CD83: variants seen among roughly 807,000 people sequenced by gnomAD.
CD83 encodes CD83 antigen.
Under a neutral mutation model 24.6 loss-of-function variants are expected in CD83, and 22 were observed. That is an observed-to-expected ratio of 0.90 (90% CI 0.64 to 1.28). CD83 has a LOEUF of 1.28. Ranked by LOEUF, CD83 falls within the 50% of genes most tolerant of loss-of-function variation. CD83 has a pLI of 0.00. For missense variants in CD83, 253 were observed against 252.8 expected, an observed-to-expected ratio of 1.00 and a Z score of -0.01; for synonymous variants, 101 against 103.5, an observed-to-expected ratio of 0.98 and a Z score of 0.14.
At chr6:14,119,812 G>A (rs984620124) in intron 2 of CD83, among the ~76,000 whole-genome samples, 3 of 152,208 alleles carry the variant, frequency 2.0e-5, no homozygotes, top group Admixed American at 6.5e-5. Flanking sequence ...ACCCCCAGGG[G>A]AGTAATTAAA....
At chr6:14,126,943 T>C (rs1314107743) in intron 2 of CD83, among the ~76,000 whole-genome samples, 1 of 152,084 alleles carries the variant, frequency 6.6e-6, no homozygotes, top group Non-Finnish European at 1.5e-5. Context: ...TGTTTTTTTT[T>C]CTTTTAGGTA....
intron 2 of CD83, among the ~76,000 whole-genome samples, chr6:14,128,156 A>T (rs920590508): frequency 2.0e-5 from 3 of 152,158 alleles, no homozygotes; most frequent in Non-Finnish European, 4.4e-5. Flanking sequence ...CAAAGTGGGG[A>T]TGGCCCATTT....
In CD83 at chr6:14,135,072, A is replaced by G. The variant is rs763042696; in HGVS notation, c.490-36A>G. The stretch of plus-strand genomic sequence containing the variant: ...GAGGTGACAACTGCTGAATTTTTCC[A>G]ATTATTCACTTCACATTTCTTTCAT... On this transcript the variant is annotated intron_variant, in intron 4 of 4. Coordinates refer to ENST00000379153, the MANE Select transcript of CD83 (RefSeq NM_004233.4). 3 of 1,609,620 alleles carry G rather than the reference A, an allele frequency of 1.9e-6. No homozygotes were observed. In the South Asian group the frequency reaches 3.3e-5, roughly 18 times the overall value.
In CD83 at chr6:14,118,069, G is replaced by A. The variant is rs547871356; in HGVS notation, c.153+4G>A. The A allele has an allele frequency of 1.9e-6, 3 of 1,597,080 alleles. No individual in the cohort carries two copies. Among genetic ancestry groups the A allele is most frequent in the East Asian group, 2.3e-5 (1 of 44,070 alleles). ...CTACACGGTCTCCTGGGTCAAGGTA[G>A]GTGCTGCGATACCCACGGGCTGGGG... On this transcript the variant is annotated splice_donor_region_variant and intron_variant, in intron 2 of 4. Coordinates refer to ENST00000379153, the MANE Select transcript of CD83 (RefSeq NM_004233.4).
At chr6:14,118,624 C>A (rs1005852702) in intron 2 of CD83, among the ~76,000 whole-genome samples, 4 of 152,194 alleles carry the variant, frequency 2.6e-5, no homozygotes, top group Non-Finnish European at 5.9e-5. Flanking sequence ...GCTTCCTCCC[C>A]TAGCCCTCCT....
At chr6:14,118,466 T>C (rs572735670) in intron 2 of CD83, among the ~76,000 whole-genome samples, 4 of 152,288 alleles carry the variant, frequency 2.6e-5, no homozygotes, top group African/African-American at 7.2e-5. Context: ...TCCAGACTTC[T>C]GATTTCTTGT....
intron 2 of CD83, 139 bp downstream of exon 2, chr6:14,118,204 C>A: frequency 1.7e-6 from 1 of 605,506 alleles, no homozygotes; most frequent in Non-Finnish European, 2.8e-6. Context: ...CTTGGAGTAC[C>A]CAGCCTCCCG....
intron 2 of CD83, among the ~76,000 whole-genome samples, chr6:14,119,676 A>G (rs1444888636): frequency 6.6e-6 from 1 of 152,248 alleles, no homozygotes; most frequent in Non-Finnish European, 1.5e-5. Flanking sequence ...ATAACTTAAG[A>G]TAAAGAAAAT....
At chr6:14,127,113 C>G (rs1346077787) in intron 2 of CD83, among the ~76,000 whole-genome samples, 1 of 152,042 alleles carries the variant, frequency 6.6e-6, no homozygotes, top group African/African-American at 2.4e-5. Flanking sequence ...CTCAGCCTCC[C>G]AAGTAGCTGG....
In CD83 at chr6:14,136,869, A is replaced by G. The variant is rs755819654; in HGVS notation, c.*1633A>G. ...AATGAAAGTTAAAAATAAAAAACAT[A>G]TACAAATAAAAAAATCCCGACTTTG... On this transcript the variant is annotated 3_prime_UTR_variant, in exon 5 of 5. Coordinates refer to ENST00000379153, the MANE Select transcript of CD83 (RefSeq NM_004233.4). 2 of 152,210 alleles carry G rather than the reference A, an allele frequency of 1.3e-5. No homozygotes were observed. The highest frequency in any genetic ancestry group is 2.4e-5 in the African/African-American group (1 of 41,448). 9.4% of individuals were successfully genotyped at this position (152,210 alleles called of 1,614,324 possible).
At chr6:14,120,873 G>T in intron 2 of CD83, among the ~76,000 whole-genome samples, 1 of 152,166 alleles carries the variant, frequency 6.6e-6, no homozygotes, top group Middle Eastern at 3.2e-3. Context: ...CATTAGGGTT[G>T]GGAAGGAAGA....
Position 14,135,381 on chromosome 6 carries a change from C to T in CD83, c.*145C>T. ...TCACTGAAAACATCTGGAAGGGGAT[C>T]CCACCCCATTTTCTGTGGGCAGGCC... is the stretch of plus-strand genomic sequence containing the variant. On this transcript the variant is annotated 3_prime_UTR_variant, in exon 5 of 5. Transcript: ENST00000379153. 2.3e-6 allele frequency: 2 copies of T among 870,968 alleles called. No individual in the cohort carries two copies. The highest frequency in any genetic ancestry group is 3.5e-6 in the Non-Finnish European group (2 of 579,072). 54.0% of individuals were successfully genotyped at this position (870,968 alleles called of 1,614,324 possible).
intron 2 of CD83, among the ~76,000 whole-genome samples, chr6:14,131,218 C>T (rs1395228041): frequency 6.6e-6 from 1 of 152,136 alleles, no homozygotes; most frequent in African/African-American, 2.4e-5. Context: ...AAATATAATC[C>T]AGCAAGATTC....
chr6:14,118,925 T>G, intron 2 of CD83, among the ~76,000 whole-genome samples: 1 of 152,368 alleles, frequency 6.6e-6, no homozygotes, highest in East Asian at 1.9e-4. Flanking sequence ...CCTTACTCTG[T>G]AGCTCTCACT....
At chr6:14,119,336 AAC>A (rs1461551215) in intron 2 of CD83, among the ~76,000 whole-genome samples, 1 of 152,236 alleles carries the variant, frequency 6.6e-6, no homozygotes, top group Admixed American at 6.5e-5. Context: ...GGGATCAGAG[AAC>A]ACAACAATTC....
At chr6:14,130,549 A>G (rs1757868215) in intron 2 of CD83, among the ~76,000 whole-genome samples, 1 of 152,166 alleles carries the variant, frequency 6.6e-6, no homozygotes, top group South Asian at 2.1e-4. Context: ...ACAGAGCAAG[A>G]CACTGCCTCT....
At chr6:14,125,955 C>T (rs1452534126) in intron 2 of CD83, among the ~76,000 whole-genome samples, 1 of 152,190 alleles carries the variant, frequency 6.6e-6, no homozygotes, top group Non-Finnish European at 1.5e-5. Context: ...GTGTGGAAAG[C>T]TATCACAGAC....
At chr6:14,121,656 G>A (rs1285176161) in intron 2 of CD83, among the ~76,000 whole-genome samples, 1 of 150,722 alleles carries the variant, frequency 6.6e-6, no homozygotes, top group Non-Finnish European at 1.5e-5. Context: ...TAATAGATGT[G>A]GTTCTTTGAG....
Position 14,135,250 on chromosome 6 carries a change from A to G in CD83, c.*14A>G. On this transcript the variant is annotated 3_prime_UTR_variant, in exon 5 of 5. Coordinates refer to ENST00000379153, the MANE Select transcript of CD83 (RefSeq NM_004233.4). ...GAACTGGTATGAGCAGGATTTCTGC[A>G]GGTTCTTCTTCCTGAAGCTGAGGCT... The G allele has an allele frequency of 6.2e-7, 1 of 1,612,548 alleles. No homozygotes were observed. The highest frequency in any genetic ancestry group is 1.1e-5 in the South Asian group (1 of 91,022).
Sources: allele counts gnomAD v4.1 joint callset (sites outside exome capture counted in the v4.1 genomes callset), GRCh38; gene constraint gnomAD v4.1.1; transcripts MANE v1.5; gene names NCBI Gene and HGNC (gene_info 2026-07-23, HGNC 2026-07-21).